Variants in SRC observed in about 807,000 individuals in gnomAD.
The protein encoded by SRC is SRC proto-oncogene, non-receptor tyrosine kinase, also known as proto-oncogene tyrosine-protein kinase Src.
A neutral mutation model predicts 62.9 loss-of-function variants in SRC; 13 were observed. The observed-to-expected ratio is 0.21, with a 90% CI of 0.13 to 0.33. The LOEUF is 0.33. SRC is among the 10% of genes least tolerant of loss of function. The probability of loss-of-function intolerance (pLI) is 1.00; values close to 1 mark genes in which losing one functional copy is unlikely to be tolerated. For synonymous variants in SRC, 302 were observed against 317.5 expected (o/e 0.95, Z 0.52); for missense variants, 457 against 737.3 (o/e 0.62, Z 4.40).
intron 5 of SRC, among the ~76,000 whole-genome samples, chr20:37,389,740 G>C (rs1308010328): frequency 3.9e-5 from 6 of 152,260 alleles, no homozygotes; most frequent in African/African-American, 1.4e-4. Context: ...AAGGATTAGG[G>C]CCCCAAAAGA....
intron 1 of SRC, among the ~76,000 whole-genome samples, chr20:37,354,481 T>TC (rs1323411140): frequency 6.6e-6 from 1 of 152,186 alleles, no homozygotes; most frequent in Non-Finnish European, 1.5e-5. Flanking sequence ...CTTCCAGGAC[T>TC]CAATTTTCTC....
In SRC at chr20:37,402,816, G is replaced by A. The variant is rs151032287; in HGVS notation, c.1338G>A (p.Ser446=). The stretch of plus-strand genomic sequence containing the variant: ...TCTATGGCCGCTTCACCATCAAGTC[G>A]GACGTGTGGTCCTTCGGGATCCTGC... ...AALYGRFTIK[S]DVWSFGILLT... Residue 446 remains serine (S), a synonymous_variant, in exon 13 of 14, where the codon TCG becomes TCA. Transcript: ENST00000373578. The surrounding 1 kb of genome is among the most constrained non-coding windows in gnomAD (Gnocchi z 6.2). The A allele has an allele frequency of 4.3e-5, 70 of 1,613,888 alleles. 1 individual carries two copies. Among genetic ancestry groups the A allele is most frequent in the South Asian group, 3.2e-4 (29 of 91,070 alleles).
chr20:37,402,531 G>C lies in SRC; in HGVS notation c.1213G>C (p.Val405Leu). ...ILVGENLVCK[V>L]ADFGLARLIE... ...GGTGGGAGAGAACCTGGTGTGCAAA[G>C]TGGCGGACTTTGGGCTGGCTCGGCT... Residue 405 changes from valine to leucine, a missense_variant, in exon 12 of 14, where the codon GTG becomes CTG. Physicochemically the swap from Val to Leu is conservative, Grantham distance 32. Around this residue, in one of 4 missense-constraint regions of SRC, gnomAD observed 168 missense variants for 357.8 expected, o/e 0.47. Coordinates refer to ENST00000373578, the MANE Select transcript of SRC (RefSeq NM_198291.3). This position sits in a 1 kb window ranked among gnomAD's most constrained non-coding sequence, Gnocchi z 6.2. 1 of 1,614,114 alleles carries C rather than the reference G, an allele frequency of 6.2e-7. No individual in the cohort carries two copies. Among genetic ancestry groups the C allele is most frequent in the Non-Finnish European group, 8.5e-7 (1 of 1,180,026 alleles).
In SRC at chr20:37,360,218, C is replaced by CTTTTTTTTTTTTTTTT. The variant is rs61476973; in HGVS notation, c.-246-4981_-246-4966dup. 1.6e-4 allele frequency among the ~76,000 whole-genome samples: 17 copies of CTTTTTTTTTTTTTTTT among 105,632 alleles called. 3 individuals are homozygous for CTTTTTTTTTTTTTTTT. The highest frequency in any genetic ancestry group is 5.7e-4 in the African/African-American group (12 of 20,922). The allele number at this position is 105,632 out of a possible 152,430, so 69.3% of individuals were successfully genotyped here. Reference sequence around the variant, plus strand: ...AATTTCTTTCTCTTTCTCTCTCTCTCTTTTTTTTTTTTTTTTTTTTGGTGA... The same window carrying CTTTTTTTTTTTTTTTT: ...AATTTCTTTCTCTTTCTCTCTCTCTCTTTTTTTTTTTTTTTTTTTTTTTTTTTTTTTTTTTTGGTGA... On this transcript the variant is annotated intron_variant, in intron 1 of 13. Transcript: ENST00000373578.
At chr20:37,377,534 G>A (rs2147015960) in intron 2 of SRC, among the ~76,000 whole-genome samples, 1 of 152,300 alleles carries the variant, frequency 6.6e-6, no homozygotes, top group South Asian at 2.1e-4. Context: ...GCCAGGAGGT[G>A]AGAGAGAGTG....
At chr20:37,368,033 T>C (rs964990721) in intron 2 of SRC, among the ~76,000 whole-genome samples, 1 of 152,244 alleles carries the variant, frequency 6.6e-6, no homozygotes, top group Non-Finnish European at 1.5e-5. Context: ...ATTTTCTTGA[T>C]GTTGTTCTTT....
At position 37,397,669 on chromosome 20, in the gene SRC, G is replaced by C; in HGVS notation, c.704-30G>C. 6.5e-7 allele frequency: 1 copy of C among 1,533,170 alleles called. No individual in the cohort carries two copies. Among genetic ancestry groups the C allele is most frequent in the Non-Finnish European group, 8.8e-7 (1 of 1,137,226 alleles). 95.0% of individuals were successfully genotyped at this position (1,533,170 alleles called of 1,614,324 possible). Reference sequence around the variant, plus strand: ...AGGGAGGCCCCAGGGCAGAAGACCCGCCTAACTGCTCCTCCTGCCTCCTCC... The same window carrying C: ...AGGGAGGCCCCAGGGCAGAAGACCCCCCTAACTGCTCCTCCTGCCTCCTCC... On this transcript the variant is annotated intron_variant, in intron 8 of 13. Coordinates refer to ENST00000373578, the MANE Select transcript of SRC (RefSeq NM_198291.3). The surrounding 1 kb of genome is among the most constrained non-coding windows in gnomAD (Gnocchi z 4.1).
At chr20:37,355,346 A>G (rs750914510) in intron 1 of SRC, among the ~76,000 whole-genome samples, 2 of 151,326 alleles carry the variant, frequency 1.3e-5, no homozygotes, top group Non-Finnish European at 1.5e-5. Context: ...CTAGTTTTAG[A>G]AACGGAGTGG....
intron 1 of SRC, among the ~76,000 whole-genome samples, chr20:37,356,872 G>A (rs2069889870): frequency 6.6e-6 from 1 of 152,200 alleles, no homozygotes; most frequent in African/African-American, 2.4e-5. Context: ...TAGAATCCAG[G>A]CTTTGTTACC....
In SRC at chr20:37,398,652, G is replaced by C. The variant is rs766661542; in HGVS notation, c.859+798G>C. Among the ~76,000 whole-genome samples the C allele has an allele frequency of 6.6e-6, 1 of 152,252 alleles. No homozygotes were observed. The highest frequency in any genetic ancestry group is 1.5e-5 in the Non-Finnish European group (1 of 68,042). On this transcript the variant is annotated intron_variant, in intron 9 of 13. Coordinates refer to ENST00000373578, the MANE Select transcript of SRC (RefSeq NM_198291.3). The surrounding 1 kb of genome is among the most constrained non-coding windows in gnomAD (Gnocchi z 5.2). ...CTGGAGGTCAGGCTGTCCGGGAAGG[G>C]GAGGCGTGGGCTTTGAGCTGGTGAG...
At position 37,398,515 on chromosome 20, in the gene SRC, C is replaced by T. The variant is rs965070704; in HGVS notation, c.859+661C>T. The stretch of plus-strand genomic sequence containing the variant: ...TGTTTTCAAGGTGGTTTCATCTGAG[C>T]CGCATCTCCACTCACTCCCACTGCC... On this transcript the variant is annotated intron_variant, in intron 9 of 13. Transcript: ENST00000373578. This position sits in a 1 kb window ranked among gnomAD's most constrained non-coding sequence, Gnocchi z 5.2. Among the ~76,000 whole-genome samples, 6 of 152,218 alleles carry T rather than the reference C, an allele frequency of 3.9e-5. No homozygotes were observed. Among genetic ancestry groups the T allele is most frequent in the Non-Finnish European group, 5.9e-5 (4 of 68,046 alleles).
chr20:37,379,983 AAAAGAC>A lies in SRC; in HGVS notation c.-172-2635_-172-2630del, dbSNP rs1272093359. On this transcript the variant is annotated intron_variant, in intron 2 of 13. Transcript: ENST00000373578. ...AAAAAAAAAAGGAAAAGAAAAAAGA[AAAAGAC>A]CGAGAGAGCTTGGAGTGGCCTGAGA... Among the ~76,000 whole-genome samples the A allele has an allele frequency of 1.5e-4, 23 of 151,054 alleles. No individual in the cohort carries two copies. In the East Asian group the frequency reaches 4.5e-3, roughly 29 times the overall value.
Position 37,397,731 on chromosome 20 carries a change from A to T in SRC, c.736A>T (p.Thr246Ser), listed in dbSNP as rs370773419. The T allele has an allele frequency of 1.7e-5, 28 of 1,604,382 alleles. No individual in the cohort carries two copies. In the African/African-American group the frequency reaches 3.2e-4, roughly 18 times the overall value. ...CGATGGCCTGTGCCACCGCCTCACC[A>T]CCGTGTGCCCCACGTCCAAGCCGCA... ...HADGLCHRLT[T>S]VCPTSKPQTQ... Residue 246 changes from threonine to serine, a missense_variant, in exon 9 of 14, where the codon ACC becomes TCC. Transcript: ENST00000373578. The surrounding 1 kb of genome is among the most constrained non-coding windows in gnomAD (Gnocchi z 4.1).
chr20:37,377,455 T>A (rs2070295197), intron 2 of SRC, among the ~76,000 whole-genome samples: 1 of 152,196 alleles, frequency 6.6e-6, no homozygotes, highest in African/African-American at 2.4e-5. Context: ...GAGATGATGT[T>A]CTTCAGAGTC....
chr20:37,367,722 C>T (rs2070086205), intron 2 of SRC, among the ~76,000 whole-genome samples: 1 of 151,808 alleles, frequency 6.6e-6, no homozygotes, highest in African/African-American at 2.4e-5. Flanking sequence ...TCATAGCTGA[C>T]TGTAACCTCA....
At chr20:37,381,595 T>C (rs766276228) in intron 2 of SRC, among the ~76,000 whole-genome samples, 1 of 152,240 alleles carries the variant, frequency 6.6e-6, no homozygotes, top group Non-Finnish European at 1.5e-5. Flanking sequence ...AGGACCTGGC[T>C]AATTCGTCTC....
At chr20:37,376,893 CCT>C (rs1376154505) in intron 2 of SRC, among the ~76,000 whole-genome samples, 3 of 152,236 alleles carry the variant, frequency 2.0e-5, no homozygotes, top group Non-Finnish European at 4.4e-5. Flanking sequence ...CCCTCTGACC[CCT>C]GTGTTGCTTT....
At position 37,396,108 on chromosome 20, in the gene SRC, C is replaced by G; in HGVS notation, c.554-54C>G. 2 of 1,591,442 alleles carry G rather than the reference C, an allele frequency of 1.3e-6. No individual in the cohort carries two copies. Among genetic ancestry groups the G allele is most frequent in the Admixed American group, 1.7e-5 (1 of 59,520 alleles). ...AGGCACAGAACGGTGTCCAGAGCAG[C>G]GGCCTGCGGGGGGAGAGGGCATGGC... On this transcript the variant is annotated intron_variant, in intron 7 of 13. Transcript: ENST00000373578. The surrounding 1 kb of genome is among the most constrained non-coding windows in gnomAD (Gnocchi z 6.1).
At chr20:37,369,690 G>A (rs921043509) in intron 2 of SRC, among the ~76,000 whole-genome samples, 1 of 152,110 alleles carries the variant, frequency 6.6e-6, no homozygotes, top group African/African-American at 2.4e-5. Context: ...GAAGTGGTGA[G>A]GGTAGATATT....
Sources: gnomAD v4.1 joint callset for allele counts (sites outside exome capture counted in the v4.1 genomes callset) on GRCh38, gnomAD v4.1.1 for gene constraint, gnomAD v4.1.1 regional missense constraint, Gnocchi (gnomAD v3.1) non-coding constraint, MANE v1.5 for transcripts, NCBI Gene and HGNC (gene_info 2026-07-23, HGNC 2026-07-21) for gene names.